Variants in SYNDIG1 observed in about 807,000 individuals in gnomAD.
SYNDIG1 encodes the protein synapse differentiation inducing 1, also known as synapse differentiation-inducing gene protein 1.
A neutral mutation model predicts 19.4 loss-of-function variants in SYNDIG1; 9 were observed. The ratio of observed to expected loss-of-function variants is 0.46; its 90% confidence interval spans 0.28 to 0.81. The LOEUF (loss-of-function observed/expected upper bound fraction) is 0.81. SYNDIG1 is among the 30% of genes least tolerant of loss of function. The pLI, the probability that SYNDIG1 is intolerant of heterozygous loss-of-function variation, is 0.12. For synonymous variants in SYNDIG1, 141 were observed against 145.9 expected (o/e 0.97, Z 0.24); for missense variants, 311 against 343.3 (o/e 0.91, Z 0.74).
chr20:24,630,242 A>G (rs898532544), intron 3 of SYNDIG1, among the ~76,000 whole-genome samples: 2 of 152,184 alleles, frequency 1.3e-5, no homozygotes, highest in East Asian at 1.9e-4. Context: ...CTCTGCACAC[A>G]CTCACAGGAG....
At chr20:24,495,567 A>G (rs990636527) in intron 1 of SYNDIG1, 3 of 152,318 alleles carry the variant, frequency 2.0e-5, no homozygotes, top group Non-Finnish European at 2.9e-5. Context: ...CTCGCAACCC[A>G]GCCTCCAGCA....
At chr20:24,611,281 C>A (rs1261894737) in intron 3 of SYNDIG1, among the ~76,000 whole-genome samples, 3 of 152,162 alleles carry the variant, frequency 2.0e-5, no homozygotes, top group Admixed American at 1.3e-4. Flanking sequence ...CTTTTTGGAA[C>A]CGTTAGACTA....
intron 3 of SYNDIG1, among the ~76,000 whole-genome samples, chr20:24,661,487 A>AAGAGGGAGGGAAAGGGGAG (rs565674556): frequency 7.4e-5 from 1 of 13,472 alleles, no homozygotes; most frequent in African/African-American, 3.7e-4. Flanking sequence ...AGAGGGAGGA[A>AAGAGGGAGGGAAAGGGGAG]GAAGGGAGGG....
Position 24,586,557 on chromosome 20 carries a change from G to A in SYNDIG1, c.618+1564G>A, listed in dbSNP as rs551693106. On this transcript the variant is annotated intron_variant, in intron 3 of 3. Coordinates refer to ENST00000376862, the MANE Select transcript of SYNDIG1 (RefSeq NM_024893.3). The stretch of plus-strand genomic sequence containing the variant: ...GCCACATAAACTGCACCCTGATGCT[G>A]CCAATAGACAAGAGCAGTCTTGCAA... 6.6e-5 allele frequency among the ~76,000 whole-genome samples: 10 copies of A among 152,342 alleles called. No individual in the cohort carries two copies. In the East Asian group the frequency reaches 1.4e-3, roughly 21 times the overall value.
At chr20:24,543,838 G>T (rs749947380) in intron 2 of SYNDIG1, among the ~76,000 whole-genome samples, 4 of 152,176 alleles carry the variant, frequency 2.6e-5, no homozygotes, top group Non-Finnish European at 5.9e-5. Flanking sequence ...GCTGCAGATG[G>T]CAGTGCTGGT....
At chr20:24,613,030 G>A (rs1302035012) in intron 3 of SYNDIG1, among the ~76,000 whole-genome samples, 2 of 152,242 alleles carry the variant, frequency 1.3e-5, no homozygotes, top group African/African-American at 4.8e-5. Flanking sequence ...GTCTCTGGGA[G>A]ATGGCACCGT....
chr20:24,499,590 CACTT>C (rs1455384997), intron 1 of SYNDIG1, among the ~76,000 whole-genome samples: 1 of 152,212 alleles, frequency 6.6e-6, no homozygotes, highest in Non-Finnish European at 1.5e-5. Flanking sequence ...ATGGCATAAA[CACTT>C]ACAGCAACTA....
chr20:24,532,068 C>T (rs1197572191), intron 1 of SYNDIG1, among the ~76,000 whole-genome samples: 1 of 152,168 alleles, frequency 6.6e-6, no homozygotes, highest in African/African-American at 2.4e-5. Flanking sequence ...AATGCCATTC[C>T]CTCACCCCAG....
At chr20:24,471,492 G>T (rs987986030) in intron 1 of SYNDIG1, among the ~76,000 whole-genome samples, 1 of 149,722 alleles carries the variant, frequency 6.7e-6, no homozygotes, top group African/African-American at 2.5e-5. Context: ...TCTCTCCACC[G>T]CCCGCCCCTT....
intron 1 of SYNDIG1, among the ~76,000 whole-genome samples, chr20:24,522,273 T>G (rs1382039408): frequency 1.3e-5 from 2 of 152,124 alleles, no homozygotes; most frequent in African/African-American, 4.8e-5. Flanking sequence ...AAATTTTTTG[T>G]AGAGATGGGG....
chr20:24,546,421 G>C (rs8123492), intron 2 of SYNDIG1, among the ~76,000 whole-genome samples: 3,332 of 152,324 alleles, frequency 0.022, 80 homozygotes, highest in Admixed American at 0.071. Flanking sequence ...GCTCAGCTGG[G>C]TGATTGTTCT....
intron 1 of SYNDIG1, among the ~76,000 whole-genome samples, chr20:24,504,281 G>T (rs907446252): frequency 3.9e-5 from 6 of 152,172 alleles, no homozygotes; most frequent in Non-Finnish European, 8.8e-5. Flanking sequence ...TATGCTTTGC[G>T]GACTTTCATT....
intron 3 of SYNDIG1, among the ~76,000 whole-genome samples, chr20:24,605,519 T>G (rs553942757): frequency 6.6e-6 from 1 of 152,324 alleles, no homozygotes; most frequent in South Asian, 2.1e-4. Context: ...CTTCTGGATT[T>G]AAACAATTCC....
At chr20:24,615,550 C>T (rs1033562363) in intron 3 of SYNDIG1, among the ~76,000 whole-genome samples, 3 of 152,194 alleles carry the variant, frequency 2.0e-5, no homozygotes, top group African/African-American at 4.8e-5. Flanking sequence ...CCACTTCATC[C>T]TCCCCATGGA....
intron 3 of SYNDIG1, among the ~76,000 whole-genome samples, chr20:24,617,864 T>G (rs1257101454): frequency 5.7e-3 from 52 of 9,076 alleles, no homozygotes; most frequent in Admixed American, 0.014. Context: ...GGTATGGGAG[T>G]GGGGAGAGGC....
intron 2 of SYNDIG1, among the ~76,000 whole-genome samples, chr20:24,581,209 C>G (rs540835870): frequency 1.3e-5 from 2 of 152,254 alleles, no homozygotes; most frequent in African/African-American, 4.8e-5. Flanking sequence ...CAGCCACTCA[C>G]AGGATGGTTT....
intron 2 of SYNDIG1, among the ~76,000 whole-genome samples, chr20:24,575,438 T>C (rs1230073551): frequency 6.6e-6 from 1 of 152,220 alleles, no homozygotes; most frequent in East Asian, 1.9e-4. Context: ...AAGCATCTAC[T>C]CTGGCCCCAG....
chr20:24,549,750 A>G (rs1274632631), intron 2 of SYNDIG1, among the ~76,000 whole-genome samples: 3 of 152,218 alleles, frequency 2.0e-5, no homozygotes, highest in African/African-American at 7.2e-5. Flanking sequence ...ATCAGGTCAC[A>G]TACGGGCTTG....
chr20:24,499,639 G>A (rs185764619), intron 1 of SYNDIG1, among the ~76,000 whole-genome samples: 495 of 151,930 alleles, frequency 3.3e-3, no homozygotes, highest in Middle Eastern at 0.01. Flanking sequence ...GGACTGAGTC[G>A]GTCGGTACCT....
Sources: gnomAD v4.1 joint callset for allele counts (sites outside exome capture counted in the v4.1 genomes callset) on GRCh38, gnomAD v4.1.1 for gene constraint, MANE v1.5 for transcripts, NCBI Gene and HGNC (gene_info 2026-07-23, HGNC 2026-07-21) for gene names.